PRH1: variants seen among roughly 807,000 people sequenced by gnomAD.
The protein encoded by PRH1 is salivary acidic proline-rich phosphoprotein 1/2.
Under a neutral mutation model 7.9 loss-of-function variants are expected in PRH1, and 7 were observed. That is an observed-to-expected ratio of 0.89 (90% CI 0.50 to 1.67). The LOEUF is 1.67. PRH1 is among the 40% of genes most tolerant of loss of function. The pLI is 0.00. For synonymous variants in PRH1, 45 were observed against 80.8 expected (o/e 0.56, Z 2.38); for missense variants, 109 against 223.6 (o/e 0.49, Z 3.27).
At chr12:10,959,739 T>C (rs894647395) in intron 2 of PRH1, among the ~76,000 whole-genome samples, 1 of 152,178 alleles carries the variant, frequency 6.6e-6, no homozygotes, top group Non-Finnish European at 1.5e-5. Context: ...AAATGATATA[T>C]ATGAATATAT....
At position 10,974,743 on chromosome 12, in the gene PRH1, C is replaced by G. The variant is rs186870349; in HGVS notation, c.-125-1022G>C. ...AACACGAAAAGCCAGAGAATGTCTT[C>G]TTACCTCCAAACAACCACACTAGTT... On this transcript the variant is annotated intron_variant, in intron 1 of 3. Coordinates refer to the PRH1 transcript ENST00000539853. Among the ~76,000 whole-genome samples the G allele has an allele frequency of 1.3e-3, 203 of 152,290 alleles. 1 individual carries two copies. The highest frequency in any genetic ancestry group is 4.1e-3 in the African/African-American group (169 of 41,566).
At chr12:10,944,850 A>G (rs1240417589) in intron 2 of PRH1, among the ~76,000 whole-genome samples, 1 of 152,110 alleles carries the variant, frequency 6.6e-6, no homozygotes. Flanking sequence ...TGTTTATGTG[A>G]TGAATCATAT....
intron 1 of PRH1, among the ~76,000 whole-genome samples, chr12:10,981,764 C>T (rs1277688580): frequency 6.6e-6 from 1 of 152,006 alleles, no homozygotes; most frequent in African/African-American, 2.4e-5. Context: ...ATGACACCAT[C>T]ATAGCTCACT....
chr12:11,143,691 A>G (rs975743699), intron 1 of PRH1, among the ~76,000 whole-genome samples: 13 of 152,226 alleles, frequency 8.5e-5, no homozygotes, highest in African/African-American at 2.9e-4. Flanking sequence ...AGCTATACTA[A>G]TATTAGACAA....
At chr12:11,044,351 G>C (rs1490620689) in intron 1 of PRH1, among the ~76,000 whole-genome samples, 1 of 152,104 alleles carries the variant, frequency 6.6e-6, no homozygotes, top group African/African-American at 2.4e-5. Flanking sequence ...AAACTTCAGA[G>C]AAACTCCCCA....
chr12:11,028,657 T>C (rs1942034721), intron 1 of PRH1, among the ~76,000 whole-genome samples: 1 of 152,200 alleles, frequency 6.6e-6, no homozygotes, highest in Non-Finnish European at 1.5e-5. Context: ...TACAAATAAT[T>C]GACAATAGAA....
chr12:10,939,954 TAAC>T (rs1565486460), intron 2 of PRH1, among the ~76,000 whole-genome samples: 2 of 152,204 alleles, frequency 1.3e-5, no homozygotes, highest in Admixed American at 1.3e-4. Flanking sequence ...TCATAAATCA[TAAC>T]AACACCTGAT....
At chr12:10,991,354 C>T (rs1311538923) in intron 1 of PRH1, among the ~76,000 whole-genome samples, 1 of 151,986 alleles carries the variant, frequency 6.6e-6, no homozygotes, top group Non-Finnish European at 1.5e-5. Flanking sequence ...TGTATATTTC[C>T]TTACTTATAT....
chr12:10,893,923 C>G (rs1454333546), intron 2 of PRH1, among the ~76,000 whole-genome samples: 1 of 151,866 alleles, frequency 6.6e-6, no homozygotes, highest in Non-Finnish European at 1.5e-5. Flanking sequence ...TTTTATTTAA[C>G]CTGCTATTTT....
intron 1 of PRH1, chr12:10,986,127 A>T: frequency 6.2e-7 from 1 of 1,614,126 alleles, no homozygotes; most frequent in South Asian, 1.1e-5. Context: ...CGAAACGATT[A>T]GGAATAGAAA....
chr12:11,106,395 C>A (rs1196751899), intron 1 of PRH1, among the ~76,000 whole-genome samples: 1 of 152,084 alleles, frequency 6.6e-6, no homozygotes, highest in Non-Finnish European at 1.5e-5. Context: ...CCCTATTTTC[C>A]CATTTGGGCT....
intron 1 of PRH1, among the ~76,000 whole-genome samples, chr12:10,975,206 G>A (rs911759796): frequency 6.6e-6 from 1 of 152,196 alleles, no homozygotes; most frequent in African/African-American, 2.4e-5. Context: ...AACCCCATCA[G>A]GCTAACAATG....
chr12:10,917,351 T>C (rs1370713809), intron 2 of PRH1, among the ~76,000 whole-genome samples: 1 of 152,158 alleles, frequency 6.6e-6, no homozygotes, highest in Non-Finnish European at 1.5e-5. Flanking sequence ...AAATATTTAA[T>C]ATTTATTGTT....
chr12:11,162,308 T>C (rs1381769963), intron 1 of PRH1, among the ~76,000 whole-genome samples: 1 of 152,224 alleles, frequency 6.6e-6, no homozygotes, highest in Non-Finnish European at 1.5e-5. Context: ...CAATCTACCA[T>C]TGTATTCCTC....
At chr12:10,950,249 T>C (rs1950549243) in intron 2 of PRH1, among the ~76,000 whole-genome samples, 1 of 152,136 alleles carries the variant, frequency 6.6e-6, no homozygotes, top group Non-Finnish European at 1.5e-5. Context: ...GTACAAATAT[T>C]GGGTCTTATG....
intron 1 of PRH1, among the ~76,000 whole-genome samples, chr12:11,098,594 T>C (rs568917951): frequency 7.9e-5 from 12 of 152,348 alleles, no homozygotes; most frequent in African/African-American, 2.9e-4. Context: ...ACCCAATACA[T>C]AGATCATATA....
intron 2 of PRH1, among the ~76,000 whole-genome samples, chr12:10,951,081 C>T (rs116833044): frequency 0.02 from 3,011 of 152,222 alleles, 35 homozygotes; most frequent in South Asian, 0.031. Context: ...TTCAATGCTG[C>T]CTTTATGGAA....
At chr12:11,138,740 A>T (rs1233392523) in intron 1 of PRH1, among the ~76,000 whole-genome samples, 1 of 152,138 alleles carries the variant, frequency 6.6e-6, no homozygotes, top group Non-Finnish European at 1.5e-5. Context: ...TTTTTAATTA[A>T]TTTAAGAAAA....
Position 10,908,937 on chromosome 12 carries a change from T to C in PRH1, c.-58-24662A>G, listed in dbSNP as rs761297011. 5 of 1,613,250 alleles carry C rather than the reference T, an allele frequency of 3.1e-6. No homozygotes were observed. In the African/African-American group the frequency reaches 4.0e-5, roughly 13 times the overall value. On this transcript the variant is annotated intron_variant, in intron 2 of 3. Transcript: ENST00000539853. ...CACTTTGTTTACTCTCCACTTCAAA[T>C]AGAGAAAAGCAGGGCTAGAGAAACT...
Sources: allele counts gnomAD v4.1 joint callset (sites outside exome capture counted in the v4.1 genomes callset), GRCh38; gene constraint gnomAD v4.1.1; transcripts MANE v1.5; gene names NCBI Gene and HGNC (gene_info 2026-07-23, HGNC 2026-07-21).